The following SLC44A5 variants were observed in gnomAD, a reference collection of about 807,000 sequenced individuals.
SLC44A5 encodes the protein solute carrier family 44 member 5.
SLC44A5 carries 57 observed loss-of-function variants against 101.8 expected under a neutral mutation model. The observed-to-expected ratio is 0.56, with a 90% CI of 0.45 to 0.70. The LOEUF (loss-of-function observed/expected upper bound fraction) is 0.70. Ranked by LOEUF, SLC44A5 falls within the 30% of genes least tolerant of loss-of-function variation. The pLI, the probability that SLC44A5 is intolerant of heterozygous loss-of-function variation, is 0.00. For missense variants in SLC44A5, 737 were observed against 853.1 expected, an observed-to-expected ratio of 0.86 and a Z score of 1.70; for synonymous variants, 281 against 290.9, an observed-to-expected ratio of 0.97 and a Z score of 0.35.
At chr1:75,637,760 G>T in the SLC44A5 span, among the ~76,000 whole-genome samples, 3 of 151,898 alleles carry the variant, frequency 2.0e-5, no homozygotes, top group African/African-American at 7.3e-5. Context: ...GGTCAAACTG[G>T]GGGAGTGGAG....
intron 13 of SLC44A5, 56 bp from the exon 14 acceptor site, chr1:75,222,516 C>G: frequency 9.6e-7 from 1 of 1,039,318 alleles, no homozygotes; most frequent in South Asian, 1.3e-5. Context: ...GGAAACAAAC[C>G]TTCCCTGCAA....
chr1:75,630,014 G>A, the SLC44A5 span, among the ~76,000 whole-genome samples: 2 of 152,204 alleles, frequency 1.3e-5, no homozygotes, highest in Non-Finnish European at 2.9e-5. Context: ...GCCTATGTAA[G>A]TAGGAGTTAA....
the SLC44A5 span, among the ~76,000 whole-genome samples, chr1:75,705,608 A>T: frequency 6.6e-6 from 1 of 152,074 alleles, no homozygotes. Flanking sequence ...AATACTGTTT[A>T]TACATTTTCT....
At chr1:75,636,387 AAG>A in the SLC44A5 span, among the ~76,000 whole-genome samples, 1 of 152,104 alleles carries the variant, frequency 6.6e-6, no homozygotes, top group Admixed American at 6.6e-5. Context: ...AATATTTATA[AAG>A]TATAAGCAGA....
the SLC44A5 span, among the ~76,000 whole-genome samples, chr1:75,681,067 A>G: frequency 1.3e-5 from 2 of 151,750 alleles, no homozygotes; most frequent in African/African-American, 4.8e-5. Context: ...ACCAGGAAGA[A>G]GTTGAATCTC....
chr1:75,297,365 A>G (rs1454439826), intron 5 of SLC44A5, among the ~76,000 whole-genome samples: 1 of 152,186 alleles, frequency 6.6e-6, no homozygotes, highest in Non-Finnish European at 1.5e-5. Flanking sequence ...GCTCACTGCA[A>G]CATCTGCCTC....
At chr1:75,717,267 G>A in the SLC44A5 span, among the ~76,000 whole-genome samples, 87 of 151,574 alleles carry the variant, frequency 5.7e-4, no homozygotes, top group African/African-American at 1.9e-3. Context: ...CTTGAATCTC[G>A]GAGACGGAGG....
At position 75,222,531 on chromosome 1, in the gene SLC44A5, T is replaced by C. The variant is rs1025923881; in HGVS notation, c.986-71A>G. The C allele has an allele frequency of 3.4e-5, 30 of 888,742 alleles. No individual in the cohort carries two copies. In the African/African-American group the frequency reaches 4.8e-4, roughly 14 times the overall value. 55.1% of individuals were successfully genotyped at this position (888,742 alleles called of 1,614,324 possible). A position where few individuals can be genotyped will look rare whatever the true frequency, so the allele number is the denominator to read the frequency against. Reference sequence around the variant, plus strand: ...GGAAACAAACCTTCCCTGCAAATGCTAGGATTGAACTTTATGATTATTTCT... The same window carrying C: ...GGAAACAAACCTTCCCTGCAAATGCCAGGATTGAACTTTATGATTATTTCT... On this transcript the variant is annotated intron_variant, in intron 13 of 23. Coordinates refer to ENST00000370859, the MANE Select transcript of SLC44A5 (RefSeq NM_001130058.2).
chr1:75,500,491 C>T (rs975701955), intron 2 of SLC44A5, among the ~76,000 whole-genome samples: 1 of 152,100 alleles, frequency 6.6e-6, no homozygotes, highest in African/African-American at 2.4e-5. Flanking sequence ...AAAATGGAGG[C>T]TCCATAAAAT....
At chr1:75,370,093 A>G (rs903311203) in intron 3 of SLC44A5, among the ~76,000 whole-genome samples, 3 of 152,250 alleles carry the variant, frequency 2.0e-5, no homozygotes, top group African/African-American at 7.2e-5. Context: ...AATGAATAGG[A>G]AAATTATGTT....
chr1:75,394,446 T>G (rs1661998060), intron 3 of SLC44A5, among the ~76,000 whole-genome samples: 1 of 152,076 alleles, frequency 6.6e-6, no homozygotes, highest in Admixed American at 6.6e-5. Flanking sequence ...TTAAATAAAT[T>G]TCAGGCGGCT....
intron 4 of SLC44A5, among the ~76,000 whole-genome samples, chr1:75,330,725 T>G (rs993855647): frequency 2.0e-5 from 3 of 152,158 alleles, no homozygotes; most frequent in Non-Finnish European, 4.4e-5. Context: ...CTTTATTGCC[T>G]CTGGTAGCCA....
intron 23 of SLC44A5, among the ~76,000 whole-genome samples, chr1:75,207,602 C>A (rs1646773955): frequency 6.6e-6 from 1 of 152,150 alleles, no homozygotes; most frequent in Non-Finnish European, 1.5e-5. Context: ...CTAGCGCTCA[C>A]AGTGACCTTC....
At chr1:75,308,159 A>G (rs1655044784) in intron 4 of SLC44A5, among the ~76,000 whole-genome samples, 1 of 152,198 alleles carries the variant, frequency 6.6e-6, no homozygotes. Flanking sequence ...CCCTATGAAA[A>G]AACAGTATAA....
chr1:75,273,479 C>G (rs1557604631), intron 6 of SLC44A5, among the ~76,000 whole-genome samples: 1 of 152,088 alleles, frequency 6.6e-6, no homozygotes, highest in Non-Finnish European at 1.5e-5. Context: ...ATGCTTTCAA[C>G]TTTTCCCCAT....
intron 4 of SLC44A5, among the ~76,000 whole-genome samples, chr1:75,306,548 A>G (rs1654910279): frequency 6.6e-6 from 1 of 152,096 alleles, no homozygotes; most frequent in South Asian, 2.1e-4. Context: ...AATCACTAAA[A>G]AACAAATGCA....
chr1:75,450,755 C>T (rs898997921), intron 2 of SLC44A5, among the ~76,000 whole-genome samples: 1 of 152,178 alleles, frequency 6.6e-6, no homozygotes, highest in Non-Finnish European at 1.5e-5. Flanking sequence ...TTTCCAGGGA[C>T]TTGGAGCACC....
chr1:75,362,078 C>A (rs77385641), intron 3 of SLC44A5, among the ~76,000 whole-genome samples: 1 of 151,786 alleles, frequency 6.6e-6, no homozygotes, highest in Admixed American at 6.6e-5. Context: ...TTTAGGTTAT[C>A]CAATTTGTTG....
chr1:75,217,245 G>C (rs1372211645), intron 18 of SLC44A5, among the ~76,000 whole-genome samples: 2 of 151,864 alleles, frequency 1.3e-5, no homozygotes, highest in Non-Finnish European at 2.9e-5. Context: ...GTGAGAGTTA[G>C]TTTCTGGGAT....
Sources: gnomAD v4.1 joint callset for allele counts (sites outside exome capture counted in the v4.1 genomes callset) on GRCh38, gnomAD v4.1.1 for gene constraint, MANE v1.5 for transcripts, NCBI Gene and HGNC (gene_info 2026-07-23, HGNC 2026-07-21) for gene names.